The following CD3G variants were observed in gnomAD, a reference collection of about 807,000 sequenced individuals.
The protein encoded by CD3G is CD3 gamma subunit of T-cell receptor complex, also known as T-cell surface glycoprotein CD3 gamma chain.
Under a neutral mutation model 28.3 loss-of-function variants are expected in CD3G, and 24 were observed. That is an observed-to-expected ratio of 0.85 (90% CI 0.61 to 1.19). The LOEUF (loss-of-function observed/expected upper bound fraction) is 1.19. CD3G is among the 50% of genes most tolerant of loss of function. The probability of loss-of-function intolerance (pLI) is 0.00; values close to 1 mark genes in which losing one functional copy is unlikely to be tolerated. For synonymous variants in CD3G, 71 were observed against 75.9 expected (o/e 0.93, Z 0.34); for missense variants, 211 against 210.0 (o/e 1.00, Z -0.03).
chr11:118,351,597 C>T, intron 4 of CD3G, 31 bp from the exon 5 acceptor site: 6 of 1,612,138 alleles, frequency 3.7e-6, no homozygotes, highest in Non-Finnish European at 3.4e-6. Flanking sequence ...TGCATTCTAC[C>T]TTGTGTGGAT....
At chr11:118,352,544 T>C (rs887386409) in intron 6 of CD3G, 57 bp downstream of exon 6, 1 of 1,171,260 alleles carries the variant, frequency 8.5e-7, no homozygotes, top group Non-Finnish European at 1.3e-6. Flanking sequence ...GCCCTCGCAA[T>C]TGCTTCTAAG....
intron 4 of CD3G, 32 bp from the exon 5 acceptor site, chr11:118,351,596 C>T (rs1396187905): frequency 6.2e-7 from 1 of 1,611,766 alleles, no homozygotes; most frequent in Non-Finnish European, 8.5e-7. Flanking sequence ...ATGCATTCTA[C>T]CTTGTGTGGA....
chr11:118,350,570 A>G lies in CD3G; in HGVS notation c.326A>G (p.Glu109Gly), dbSNP rs747479547. The stretch of plus-strand genomic sequence containing the variant: ...CCTACAGTGTGTCAGAACTGCATTG[A>G]ACTAAATGCAGCCACCATATCTGGC... ...VYYRMCQNCI[E>G]LNAATISGFL... Residue 109 changes from glutamate (E) to glycine (G), a missense_variant, in exon 4 of 7, where the codon GAA becomes GGA. Coordinates refer to ENST00000532917, the MANE Select transcript of CD3G (RefSeq NM_000073.3). 1 of 1,613,922 alleles carries G rather than the reference A, an allele frequency of 6.2e-7. No homozygotes were observed.
Position 118,348,955 on chromosome 11 carries a change from C to G in CD3G, c.56-72C>G, listed in dbSNP as rs368661058. 228 of 1,536,386 alleles carry G rather than the reference C, an allele frequency of 1.5e-4. 1 individual carries two copies. Among genetic ancestry groups the G allele is most frequent in the East Asian group, 4.5e-5 (2 of 44,512 alleles). ...TTTCTTCATCTTGGCCTCAAATAAC[C>G]ATGGAAATACTTCAGGGCATCTGAA... is the stretch of plus-strand genomic sequence containing the variant. On this transcript the variant is annotated intron_variant, in intron 1 of 6. Coordinates refer to ENST00000532917, the MANE Select transcript of CD3G (RefSeq NM_000073.3).
Position 118,350,671 on chromosome 11 carries a change from C to T in CD3G, c.427C>T (p.Arg143Cys), listed in dbSNP as rs1172682055. The T allele has an allele frequency of 6.2e-7, 1 of 1,613,644 alleles. No homozygotes were observed. The highest frequency in any genetic ancestry group is 1.3e-5 in the African/African-American group (1 of 74,846). Reference protein sequence around the residue: ...VYFIAGQDGVRQSRASDKQTL... With the variant: ...VYFIAGQDGVCQSRASDKQTL... ...CTTCATTGCTGGACAGGATGGAGTT[C>T]GCCAGTCGAGAGGTAAAAGAATGCT... The change falls in exon 4 of 7, where the codon CGC (arginine) becomes TGC (cysteine). Residue 143 changes from arginine (R) to cysteine (C), a missense_variant. Arg to Cys is a radical substitution (Grantham distance 180, BLOSUM62 -3). Coordinates refer to ENST00000532917, the MANE Select transcript of CD3G (RefSeq NM_000073.3).
intron 3 of CD3G, 90 bp from the exon 4 acceptor site, chr11:118,350,462 A>G (rs1259621128): frequency 2.1e-6 from 2 of 937,548 alleles, no homozygotes; most frequent in East Asian, 2.4e-5. Context: ...GCTGCCCTCC[A>G]CAGCGGCATT....
At chr11:118,346,813 A>C (rs1466776518) in intron 1 of CD3G, among the ~76,000 whole-genome samples, 1 of 148,092 alleles carries the variant, frequency 6.8e-6, no homozygotes, top group African/African-American at 2.5e-5. Context: ...AAAAAAAAAA[A>C]AAGATGTCTC....
At chr11:118,352,524 T>G in intron 6 of CD3G, 37 bp downstream of exon 6, 1 of 1,346,184 alleles carries the variant, frequency 7.4e-7, no homozygotes. Context: ...AAAGGACCCT[T>G]GCATCAACTG....
At position 118,354,304 on chromosome 11, in the gene CD3G, C is replaced by CTTTTTTTTTTTTTTTTT. The variant is rs71041832; in HGVS notation, c.*1220_*1221insTTTTTTTTTTTTTTTTT. On this transcript the variant is annotated 3_prime_UTR_variant, in exon 7 of 7. Coordinates refer to ENST00000532917, the MANE Select transcript of CD3G (RefSeq NM_000073.3). ...TTTTTTCTTTTCTTTTCTTTTTTTT[C>CTTTTTTTTTTTTTTTTT]TTTTTTTTTTTTTTTTGAAGTGGAA... The CTTTTTTTTTTTTTTTTT allele has an allele frequency of 2.4e-5, 3 of 124,084 alleles. No individual in the cohort carries two copies. Among genetic ancestry groups the CTTTTTTTTTTTTTTTTT allele is most frequent in the Admixed American group, 8.5e-5 (1 of 11,754 alleles). The allele number at this position is 124,084 out of a possible 1,614,324, so 7.7% of individuals were successfully genotyped here. A position where few individuals can be genotyped will look rare whatever the true frequency, so the allele number is the denominator to read the frequency against.
At chr11:118,351,733 G>C (rs372132854) in intron 5 of CD3G, 62 bp downstream of exon 5, 43 of 1,482,428 alleles carry the variant, frequency 2.9e-5, no homozygotes, top group Non-Finnish European at 3.9e-5. Context: ...CTTTGGGATT[G>C]AGGGGCATGT....
rs574402345 is a variant in CD3G at position 118,348,619 on chromosome 11, A to G, written c.56-408A>G. Among the ~76,000 whole-genome samples, 7 of 152,178 alleles carry G rather than the reference A, an allele frequency of 4.6e-5. No homozygotes were observed. In the East Asian group the frequency reaches 1.3e-3, roughly 29 times the overall value. ...ATCATTGGCCGCTTGACTGATCTCA[A>G]TCTCTAGGATCCCTTCCTGGGGCTG... On this transcript the variant is annotated intron_variant, in intron 1 of 6. Transcript: ENST00000532917.
At chr11:118,352,614 G>A (rs1021351301) in intron 6 of CD3G, 127 bp downstream of exon 6, 13 of 735,762 alleles carry the variant, frequency 1.8e-5, no homozygotes, top group South Asian at 5.8e-5. Flanking sequence ...GGATTGGGAC[G>A]TGGTTTGGGG....
At chr11:118,349,086 G>T (rs1349335982) in intron 2 of CD3G, 36 bp downstream of exon 2, 4 of 1,614,114 alleles carry the variant, frequency 2.5e-6, no homozygotes, top group Middle Eastern at 1.6e-4. Flanking sequence ...CTCAGACTCA[G>T]AATATTGACG....
intron 1 of CD3G, among the ~76,000 whole-genome samples, chr11:118,345,213 AC>A (rs1948344627): frequency 6.6e-6 from 1 of 152,298 alleles, no homozygotes; most frequent in South Asian, 2.1e-4. Context: ...AGAAAAAAAA[AC>A]ATTCCAGGAA....
At chr11:118,352,289 G>T in intron 5 of CD3G, 115 bp from the exon 6 acceptor site, 2 of 846,612 alleles carry the variant, frequency 2.4e-6, no homozygotes, top group Non-Finnish European at 4.1e-6. Context: ...TCCATCCTCA[G>T]GACCATGAAG....
intron 6 of CD3G, among the ~76,000 whole-genome samples, chr11:118,352,808 T>C (rs1294559789): frequency 2.0e-5 from 3 of 152,196 alleles, no homozygotes; most frequent in Non-Finnish European, 4.4e-5. Flanking sequence ...ATTAATTATT[T>C]GTGATGAGGG....
rs77963665 is a variant in CD3G, at chr11:118,351,387, C to T, written c.440-241C>T. On this transcript the variant is annotated intron_variant, in intron 4 of 6. Coordinates refer to ENST00000532917, the MANE Select transcript of CD3G (RefSeq NM_000073.3). Reference sequence around the variant, plus strand: ...GCCACTACCCATCCTCAAGAGTGAGCATTGTCCTGACTTCTAACAACAAGG... The same window carrying T: ...GCCACTACCCATCCTCAAGAGTGAGTATTGTCCTGACTTCTAACAACAAGG... Among the ~76,000 whole-genome samples the T allele has an allele frequency of 2.6e-3, 390 of 152,216 alleles. 7 individuals are homozygous for T. The East Asian group carries it at 0.051, about 20-fold the overall frequency.
At chr11:118,350,440 G>A in intron 3 of CD3G, 112 bp from the exon 4 acceptor site, 3 of 823,708 alleles carry the variant, frequency 3.6e-6, no homozygotes, top group Non-Finnish European at 6.4e-6. Flanking sequence ...GCCACCCACA[G>A]AGGAAAAGCC....
intron 1 of CD3G, among the ~76,000 whole-genome samples, chr11:118,348,492 C>G (rs1035477592): frequency 6.6e-6 from 1 of 152,162 alleles, no homozygotes; most frequent in Non-Finnish European, 1.5e-5. Flanking sequence ...CACATCGCCC[C>G]CAGCACTCTC....
Sources: allele counts gnomAD v4.1 joint callset (sites outside exome capture counted in the v4.1 genomes callset), GRCh38; gene constraint gnomAD v4.1.1; transcripts MANE v1.5; gene names NCBI Gene and HGNC (gene_info 2026-07-23, HGNC 2026-07-21).